The following TRIM42 variants were observed in gnomAD, a reference collection of about 807,000 sequenced individuals.
The protein encoded by TRIM42 is tripartite motif-containing protein 42.
In TRIM42, 59 loss-of-function variants were observed where a neutral mutation model predicts 64.9. That is an observed-to-expected ratio of 0.91 (90% CI 0.74 to 1.13). The LOEUF (loss-of-function observed/expected upper bound fraction) is 1.13, where lower values mean the gene tolerates loss of function less well. TRIM42 is among the 50% of genes most tolerant of loss of function. The probability of loss-of-function intolerance (pLI) is 0.00; values close to 1 mark genes in which losing one functional copy is unlikely to be tolerated. For synonymous variants in TRIM42, 354 were observed against 346.3 expected (o/e 1.02, Z -0.25); for missense variants, 878 against 929.5 (o/e 0.94, Z 0.72).
intron 1 of TRIM42, among the ~76,000 whole-genome samples, chr3:140,680,494 C>CT (rs751779663): frequency 3.9e-5 from 6 of 152,102 alleles, no homozygotes; most frequent in Non-Finnish European, 8.8e-5. Flanking sequence ...CTTCTTCTTT[C>CT]TTTTTTGTGA....
At position 140,700,654 on chromosome 3, in the gene TRIM42, T is replaced by C. The variant is rs59807508; in HGVS notation, c.2086-234T>C. The stretch of plus-strand genomic sequence containing the variant: ...TCACATGAGCTACCCTAAAGGGAAG[T>C]AGGATCTGGCCTATGGAATCACAAT... On this transcript the variant is annotated intron_variant, in intron 4 of 4. Transcript: ENST00000286349. Among the ~76,000 whole-genome samples, 148 of 152,320 alleles carry C rather than the reference T, an allele frequency of 9.7e-4. 1 individual carries two copies. Among genetic ancestry groups the C allele is most frequent in the African/African-American group, 3.5e-3 (144 of 41,576 alleles).
At chr3:140,690,625 T>G (rs527825121) in intron 3 of TRIM42, among the ~76,000 whole-genome samples, 14 of 144,956 alleles carry the variant, frequency 9.7e-5, no homozygotes, top group South Asian at 4.4e-4. Flanking sequence ...TGCAAAGAAA[T>G]AATAATGAAT....
intron 4 of TRIM42, 24 bp from the exon 5 acceptor site, chr3:140,700,864 A>G (rs769974311): frequency 6.2e-7 from 1 of 1,612,200 alleles, no homozygotes. Flanking sequence ...ATTGGGTGTC[A>G]TGACTCTTCG....
At position 140,678,140 on chromosome 3, in the gene TRIM42, A is replaced by C. The variant is rs1988251579; in HGVS notation, c.-90A>C. 1 of 1,224,996 alleles carries C rather than the reference A, an allele frequency of 8.2e-7. No homozygotes were observed. The highest frequency in any genetic ancestry group is 1.2e-6 in the Non-Finnish European group (1 of 855,120). The allele number at this position is 1,224,996 out of a possible 1,614,324, so 75.9% of individuals were successfully genotyped here. A position where few individuals can be genotyped will look rare whatever the true frequency, so the allele number is the denominator to read the frequency against. Reference sequence around the variant, plus strand: ...AGCTGACGGCCTCAGGAATGGGAGGAAGGACTCCTCCACTGGAGAACTGAT... The same window carrying C: ...AGCTGACGGCCTCAGGAATGGGAGGCAGGACTCCTCCACTGGAGAACTGAT... On this transcript the variant is annotated 5_prime_UTR_variant, in exon 1 of 5. Coordinates refer to ENST00000286349, the MANE Select transcript of TRIM42 (RefSeq NM_152616.5).
Position 140,687,896 on chromosome 3 carries a change from G to T in TRIM42, c.1214G>T (p.Arg405Met), listed in dbSNP as rs115590495. 6.2e-7 allele frequency: 1 copy of T among 1,614,162 alleles called. No homozygotes were observed. Among genetic ancestry groups the T allele is most frequent in the East Asian group, 2.2e-5 (1 of 44,878 alleles). ...MEQIENLEVS[R>M]QKEIEKYVYV... The stretch of plus-strand genomic sequence containing the variant: ...CAGATAGAGAATCTAGAAGTGTCCA[G>T]GCAGAAGGAAATTGAAAAATATGTG... The change falls in exon 3 of 5, where the codon AGG (arginine) becomes ATG (methionine). Residue 405 changes from arginine to methionine, a missense_variant. Transcript: ENST00000286349.
rs142837338 is a variant in TRIM42, at chr3:140,679,044, C to T, written c.341+474C>T. ...AACTTTAAAATGCTGTATTGCAAAACGGAGACAATACCCCCCCCATGATAT... is the reference window on the plus strand; with the variant it reads ...AACTTTAAAATGCTGTATTGCAAAATGGAGACAATACCCCCCCCATGATAT... On this transcript the variant is annotated intron_variant, in intron 1 of 4. Transcript: ENST00000286349. 9.1e-5 allele frequency among the ~76,000 whole-genome samples: 12 copies of T among 132,134 alleles called. No homozygotes were observed. In the South Asian group the frequency reaches 1.0e-3, roughly 11 times the overall value. 86.7% of individuals were successfully genotyped at this position (132,134 alleles called of 152,430 possible).
At position 140,697,844 on chromosome 3, in the gene TRIM42, C is replaced by T. The variant is rs374619376; in HGVS notation, c.2086-3044C>T. Among the ~76,000 whole-genome samples the T allele has an allele frequency of 1.3e-3, 195 of 152,208 alleles. 2 individuals are homozygous for T. The South Asian group carries it at 0.039, about 30-fold the overall frequency. Reference sequence around the variant, plus strand: ...GACTACAGGCGCCCGCCACCACGCCCGGCTAAATTTTTGTATTTTTAGTAG... The same window carrying T: ...GACTACAGGCGCCCGCCACCACGCCTGGCTAAATTTTTGTATTTTTAGTAG... On this transcript the variant is annotated intron_variant, in intron 4 of 4. Transcript: ENST00000286349.
rs1988251579 is a variant in TRIM42, at chr3:140,678,140, A to G, written c.-90A>G. 3.3e-6 allele frequency: 4 copies of G among 1,225,116 alleles called. No individual in the cohort carries two copies. The highest frequency in any genetic ancestry group is 4.7e-6 in the Non-Finnish European group (4 of 855,114). 75.9% of individuals were successfully genotyped at this position (1,225,116 alleles called of 1,614,324 possible). ...AGCTGACGGCCTCAGGAATGGGAGG[A>G]AGGACTCCTCCACTGGAGAACTGAT... On this transcript the variant is annotated 5_prime_UTR_variant, in exon 1 of 5. Transcript: ENST00000286349.
intron 2 of TRIM42, 59 bp downstream of exon 2, chr3:140,683,218 T>TGGGGTAATCAGGAA: frequency 6.4e-7 from 1 of 1,560,122 alleles, no homozygotes; most frequent in Non-Finnish European, 8.8e-7. Flanking sequence ...ATGGGGAAGA[T>TGGGGTAATCAGGAA]GGCGTGGGGT....
At position 140,696,475 on chromosome 3, in the gene TRIM42, A is replaced by C. The variant is rs150617714; in HGVS notation, c.2086-4413A>C. Among the ~76,000 whole-genome samples, 7 of 152,338 alleles carry C rather than the reference A, an allele frequency of 4.6e-5. No homozygotes were observed. The East Asian group carries it at 1.4e-3, about 29-fold the overall frequency. On this transcript the variant is annotated intron_variant, in intron 4 of 4. Transcript: ENST00000286349. ...GTGACCTCCAATAATACTGCAGTGA[A>C]CAGCCTTATATATGTCACCTTATGG...
Position 140,682,855 on chromosome 3 carries a change from C to A in TRIM42, c.735C>A (p.Arg245=), listed in dbSNP as rs1349988113. ...PILCQVCRNK[R]IAYKRCITCR... ...TCTGCCAGGTCTGCCGCAACAAGCGCATCGCTTACAAGCGCTGCATCACCT... is the reference window on the plus strand; with the variant it reads ...TCTGCCAGGTCTGCCGCAACAAGCGAATCGCTTACAAGCGCTGCATCACCT... The change falls in exon 2 of 5, where the codon CGC becomes CGA. Residue 245 remains arginine (R), a synonymous_variant. Coordinates refer to ENST00000286349, the MANE Select transcript of TRIM42 (RefSeq NM_152616.5). 6.2e-7 allele frequency: 1 copy of A among 1,614,196 alleles called. No homozygotes were observed. Among genetic ancestry groups the A allele is most frequent in the South Asian group, 1.1e-5 (1 of 91,086 alleles).
intron 4 of TRIM42, among the ~76,000 whole-genome samples, chr3:140,695,388 G>T (rs1988821826): frequency 6.6e-6 from 1 of 152,190 alleles, no homozygotes; most frequent in Non-Finnish European, 1.5e-5. Flanking sequence ...TCTGTAAAGT[G>T]GATGTCCTAG....
At chr3:140,680,635 A>G in intron 1 of TRIM42, 1 of 983,302 alleles carries the variant, frequency 1.0e-6, no homozygotes, top group Non-Finnish European at 1.2e-6. Flanking sequence ...CAGGCACTAC[A>G]TGGACAATTA....
At chr3:140,680,637 G>C (rs948807110) in intron 1 of TRIM42, 2 of 983,772 alleles carry the variant, frequency 2.0e-6, no homozygotes, top group Non-Finnish European at 2.4e-6. Flanking sequence ...GGCACTACAT[G>C]GACAATTAAC....
rs769949557 is a variant in TRIM42, at chr3:140,678,253, C to T, written c.24C>T (p.Cys8=). The stretch of plus-strand genomic sequence containing the variant: ...CCATGGAAACTGCTATGTGCGTTTG[C>T]TGTCCATGTTGTACATGGCAGAGAT... METAMCV[C]CPCCTWQRCC... is the part of the protein sequence containing the mutation. The change falls in exon 1 of 5, where the codon TGC becomes TGT. Residue 8 remains cysteine, a synonymous_variant. Coordinates refer to ENST00000286349, the MANE Select transcript of TRIM42 (RefSeq NM_152616.5). The T allele has an allele frequency of 9.3e-6, 15 of 1,613,942 alleles. No individual in the cohort carries two copies. In the Admixed American group the frequency reaches 1.7e-4, roughly 18 times the overall value.
rs772046055 is a variant in TRIM42, at chr3:140,682,823, C to A, written c.703C>A (p.Pro235Thr). 1.2e-6 allele frequency: 2 copies of A among 1,614,076 alleles called. No homozygotes were observed. The highest frequency in any genetic ancestry group is 1.6e-4 in the Middle Eastern group (1 of 6,062). Residue 235 changes from proline to threonine, a missense_variant, in exon 2 of 5, where the codon CCC (proline) becomes ACC (threonine). Transcript: ENST00000286349. Reference sequence around the variant, plus strand: ...GTGGCGCTTTGACCGCTCCTCCGGGCCCATCCTCTGCCAGGTCTGCCGCAA... The same window carrying A: ...GTGGCGCTTTGACCGCTCCTCCGGGACCATCCTCTGCCAGGTCTGCCGCAA... ...LKWRFDRSSG[P>T]ILCQVCRNKR...
chr3:140,694,087 T>C (rs1449275939), intron 4 of TRIM42, among the ~76,000 whole-genome samples: 3 of 152,252 alleles, frequency 2.0e-5, no homozygotes, highest in Non-Finnish European at 4.4e-5. Context: ...TTTGTTCCCC[T>C]GCACCATGCT....
At position 140,688,236 on chromosome 3, in the gene TRIM42, G is replaced by A. The variant is rs1010210969; in HGVS notation, c.1554G>A (p.Arg518=). 8.1e-6 allele frequency: 13 copies of A among 1,614,064 alleles called. No individual in the cohort carries two copies. In the African/African-American group the frequency reaches 1.5e-4, roughly 18 times the overall value. The stretch of plus-strand genomic sequence containing the variant: ...TGCACTCAGAAACAATGATTGCCAG[G>A]AAGGTCACTTTCAGCACCCACAGCC... The part of the protein sequence containing the change: ...YPVHSETMIA[R]KVTFSTHSLG... The change falls in exon 3 of 5, where the codon AGG becomes AGA. Residue 518 remains arginine (R), a synonymous_variant. Transcript: ENST00000286349.
chr3:140,691,858 G>A (rs1234166482), intron 4 of TRIM42, among the ~76,000 whole-genome samples: 2 of 151,972 alleles, frequency 1.3e-5, no homozygotes, highest in Non-Finnish European at 2.9e-5. Context: ...ATATTAAAAG[G>A]AGAAAGAGAA....
Sources: gnomAD v4.1 joint callset for allele counts (sites outside exome capture counted in the v4.1 genomes callset) on GRCh38, gnomAD v4.1.1 for gene constraint, MANE v1.5 for transcripts, NCBI Gene and HGNC (gene_info 2026-07-23, HGNC 2026-07-21) for gene names.